The following MECOM variants were observed in gnomAD, a reference collection of about 807,000 sequenced individuals.
MECOM encodes histone-lysine N-methyltransferase MECOM.
MECOM carries 13 observed loss-of-function variants against 116.3 expected under a neutral mutation model. That is an observed-to-expected ratio of 0.11 (90% CI 0.07 to 0.18). The LOEUF (loss-of-function observed/expected upper bound fraction) is 0.18. MECOM is among the 10% of genes least tolerant of loss of function. The pLI is 1.00. For missense variants in MECOM, 1,299 were observed against 1,509.0 expected, an observed-to-expected ratio of 0.86 and a Z score of 2.31; for synonymous variants, 528 against 535.2, an observed-to-expected ratio of 0.99 and a Z score of 0.19.
At chr3:169,502,147 G>A (rs11924913) in intron 1 of MECOM, among the ~76,000 whole-genome samples, 24,581 of 151,944 alleles carry the variant, frequency 0.16, 2,140 homozygotes, top group East Asian at 0.33. Flanking sequence ...ATTTCCTTTT[G>A]AATATTCACC....
intron 1 of MECOM, among the ~76,000 whole-genome samples, chr3:169,499,438 C>A (rs1000438990): frequency 5.6e-5 from 8 of 142,672 alleles, no homozygotes; most frequent in Admixed American, 2.1e-4. Context: ...AAACAATGGA[C>A]AAGTATTTTC....
At chr3:169,283,296 G>C (rs1185248128) in intron 2 of MECOM, among the ~76,000 whole-genome samples, 1 of 151,908 alleles carries the variant, frequency 6.6e-6, no homozygotes, top group Admixed American at 6.6e-5. Context: ...TGAGCCCAGG[G>C]CTTCAAGACC....
chr3:169,186,645 T>A (rs960105029), intron 2 of MECOM, among the ~76,000 whole-genome samples: 1 of 152,186 alleles, frequency 6.6e-6, no homozygotes, highest in Admixed American at 6.5e-5. Flanking sequence ...CAGTAACTTT[T>A]ACCCCTCAAT....
chr3:169,312,685 A>AC (rs1560118271), intron 2 of MECOM, among the ~76,000 whole-genome samples: 5 of 151,440 alleles, frequency 3.3e-5, no homozygotes. Flanking sequence ...GCCAACTCCA[A>AC]TTTTTTTTTA....
intron 1 of MECOM, among the ~76,000 whole-genome samples, chr3:169,448,978 C>T (rs781460040): frequency 1.3e-5 from 2 of 152,100 alleles, no homozygotes; most frequent in Admixed American, 6.6e-5. Context: ...TTTGAAATCA[C>T]GACTCCAAAA....
intron 2 of MECOM, among the ~76,000 whole-genome samples, chr3:169,375,278 G>A (rs1283075729): frequency 1.3e-5 from 2 of 151,874 alleles, no homozygotes; most frequent in African/African-American, 4.8e-5. Context: ...AGAAGCAAGA[G>A]CAAACAAATT....
intron 2 of MECOM, among the ~76,000 whole-genome samples, chr3:169,325,003 T>C (rs939789951): frequency 5.3e-5 from 8 of 152,094 alleles, no homozygotes; most frequent in African/African-American, 1.9e-4. Context: ...TCACAGCTCA[T>C]ATTTTCCAGG....
At chr3:169,085,496 C>T (rs984420432) in intron 16 of MECOM, among the ~76,000 whole-genome samples, 9 of 152,184 alleles carry the variant, frequency 5.9e-5, no homozygotes, top group African/African-American at 2.2e-4. Flanking sequence ...TAACCGAAAG[C>T]ACTGAAGGTG....
intron 1 of MECOM, among the ~76,000 whole-genome samples, chr3:169,542,459 G>C (rs1190389196): frequency 6.6e-6 from 1 of 152,158 alleles, no homozygotes; most frequent in Non-Finnish European, 1.5e-5. Flanking sequence ...GGGACTCTAG[G>C]AGCCAATTTC....
intron 2 of MECOM, among the ~76,000 whole-genome samples, chr3:169,175,527 A>G (rs1745031967): frequency 6.6e-6 from 1 of 152,194 alleles, no homozygotes; most frequent in Non-Finnish European, 1.5e-5. Context: ...CTCATTATGT[A>G]TATGCAAATA....
At position 169,451,920 on chromosome 3, in the gene MECOM, T is replaced by G. The variant is rs987148221; in HGVS notation, c.38-70396A>C. 2.6e-5 allele frequency among the ~76,000 whole-genome samples: 4 copies of G among 151,992 alleles called. No homozygotes were observed. In the East Asian group the frequency reaches 7.8e-4, roughly 30 times the overall value. The stretch of plus-strand genomic sequence containing the variant: ...TAAAGCCCCACTGCTAACTGATAAT[T>G]TAAAGCACAAAGATGGGGAACTGTT... On this transcript the variant is annotated intron_variant, in intron 1 of 16. Transcript: ENST00000651503.
At chr3:169,263,215 A>G (rs1397238550) in intron 2 of MECOM, among the ~76,000 whole-genome samples, 2 of 135,190 alleles carry the variant, frequency 1.5e-5, no homozygotes, top group Non-Finnish European at 3.1e-5. Flanking sequence ...TGCAAGCTCC[A>G]CCTCCCGGGT....
intron 1 of MECOM, among the ~76,000 whole-genome samples, chr3:169,563,152 T>C (rs1560436641): frequency 1.3e-5 from 2 of 150,620 alleles, no homozygotes; most frequent in African/African-American, 4.9e-5. Flanking sequence ...TTGGAGGCAA[T>C]GATTATTCTT....
At chr3:169,266,648 C>T (rs1407208490) in intron 2 of MECOM, among the ~76,000 whole-genome samples, 1 of 152,160 alleles carries the variant, frequency 6.6e-6, no homozygotes. Flanking sequence ...GCAATCTGTA[C>T]TTCTTGTCCC....
chr3:169,157,978 G>A (rs956584715), intron 2 of MECOM, among the ~76,000 whole-genome samples: 3 of 152,168 alleles, frequency 2.0e-5, no homozygotes, highest in Admixed American at 6.5e-5. Flanking sequence ...AGCCTAGGAA[G>A]GTGATTGAAA....
At chr3:169,230,580 TG>T (rs1357880758) in intron 2 of MECOM, among the ~76,000 whole-genome samples, 1 of 152,176 alleles carries the variant, frequency 6.6e-6, no homozygotes, top group African/African-American at 2.4e-5. Flanking sequence ...TTTTCTCCTC[TG>T]AACTCCAACT....
intron 1 of MECOM, among the ~76,000 whole-genome samples, chr3:169,435,281 A>G (rs1742451339): frequency 6.6e-6 from 1 of 152,164 alleles, no homozygotes; most frequent in Non-Finnish European, 1.5e-5. Flanking sequence ...AACAGGGAAA[A>G]CATTTGTTCC....
At chr3:169,554,171 A>G (rs1761751712) in intron 1 of MECOM, among the ~76,000 whole-genome samples, 2 of 152,192 alleles carry the variant, frequency 1.3e-5, no homozygotes, top group Non-Finnish European at 2.9e-5. Flanking sequence ...CTGGCAGGAT[A>G]TTGACCCCCG....
At chr3:169,495,727 C>T (rs1388881420) in intron 1 of MECOM, among the ~76,000 whole-genome samples, 2 of 152,170 alleles carry the variant, frequency 1.3e-5, no homozygotes, top group South Asian at 2.1e-4. Flanking sequence ...AAACTATGAA[C>T]CAGTCACTCA....
Sources: allele counts gnomAD v4.1 joint callset (sites outside exome capture counted in the v4.1 genomes callset), GRCh38; gene constraint gnomAD v4.1.1; transcripts MANE v1.5; gene names NCBI Gene and HGNC (gene_info 2026-07-23, HGNC 2026-07-21).